The following GPR107 variants were observed in gnomAD, a reference collection of about 807,000 sequenced individuals.
The protein encoded by GPR107 is G protein-coupled receptor 107, also known as protein GPR107.
A neutral mutation model predicts 75.5 loss-of-function variants in GPR107; 31 were observed. The observed-to-expected ratio is 0.41, with a 90% CI of 0.31 to 0.55. GPR107 has a LOEUF of 0.55. Ranked by LOEUF, GPR107 falls within the 20% of genes least tolerant of loss-of-function variation. GPR107 has a pLI of 0.26. For synonymous variants in GPR107, 267 were observed against 251.3 expected, an observed-to-expected ratio of 1.06 and a Z score of -0.59; for missense variants, 572 against 665.7, an observed-to-expected ratio of 0.86 and a Z score of 1.55.
chr9:130,088,488 A>C (rs1299400326), intron 7 of GPR107, among the ~76,000 whole-genome samples: 4 of 152,170 alleles, frequency 2.6e-5, no homozygotes, highest in Non-Finnish European at 5.9e-5. Flanking sequence ...CCCCCTCTAC[A>C]GAAGATACCT....
At chr9:130,081,213 A>G (rs888222142) in intron 5 of GPR107, among the ~76,000 whole-genome samples, 5 of 152,020 alleles carry the variant, frequency 3.3e-5, no homozygotes, top group African/African-American at 1.2e-4. Context: ...TCCGAAATAA[A>G]TACATACATA....
In GPR107 at chr9:130,103,382, G is replaced by A. The variant is rs1831083668; in HGVS notation, c.1132-1038G>A. ...AGTCAGGCAGAGATTTGGGACCAGG[G>A]ACTTCTCATGGGGTATATAGGTGGA... On this transcript the variant is annotated intron_variant, in intron 12 of 17. Transcript: ENST00000347136. The surrounding 1 kb of genome is among the most constrained non-coding windows in gnomAD (Gnocchi z 4.3). Among the ~76,000 whole-genome samples, 1 of 152,166 alleles carries A rather than the reference G, an allele frequency of 6.6e-6. No homozygotes were observed. The highest frequency in any genetic ancestry group is 1.5e-5 in the Non-Finnish European group (1 of 68,046).
chr9:130,117,385 G>A (rs954296817), intron 14 of GPR107, among the ~76,000 whole-genome samples: 8 of 152,256 alleles, frequency 5.3e-5, no homozygotes, highest in African/African-American at 1.9e-4. Context: ...GGGATTAGTG[G>A]GATCTTTTCT....
chr9:130,108,567 G>C (rs1283941987), intron 14 of GPR107, among the ~76,000 whole-genome samples: 2 of 152,178 alleles, frequency 1.3e-5, no homozygotes, highest in Non-Finnish European at 2.9e-5. Flanking sequence ...AGATAGTATG[G>C]CATTCCTGCT....
chr9:130,086,884 C>T (rs542084276), intron 7 of GPR107, among the ~76,000 whole-genome samples: 3 of 152,254 alleles, frequency 2.0e-5, no homozygotes, highest in African/African-American at 7.2e-5. Context: ...TTCACCTAGA[C>T]TCAGAGGCTT....
chr9:130,090,434 T>A (rs1215559145), intron 7 of GPR107, among the ~76,000 whole-genome samples: 1 of 152,148 alleles, frequency 6.6e-6, no homozygotes, highest in African/African-American at 2.4e-5. Context: ...AGCAAAATAA[T>A]ACGTTAGCTT....
intron 14 of GPR107, among the ~76,000 whole-genome samples, chr9:130,119,007 C>A (rs1831490204): frequency 6.6e-6 from 1 of 152,232 alleles, no homozygotes; most frequent in South Asian, 2.1e-4. Flanking sequence ...CAGAAATAGC[C>A]CGCCCAGCCT....
At chr9:130,086,648 C>A (rs548982332) in intron 7 of GPR107, among the ~76,000 whole-genome samples, 172 bp downstream of exon 7, 1 of 152,192 alleles carries the variant, frequency 6.6e-6, no homozygotes, top group African/African-American at 2.4e-5. Context: ...GATATTGTTA[C>A]CCATCTACTT....
intron 1 of GPR107, among the ~76,000 whole-genome samples, chr9:130,070,216 G>A (rs1830172856): frequency 1.3e-5 from 2 of 149,342 alleles, no homozygotes; most frequent in Admixed American, 6.7e-5. Context: ...TGCCCAGGCC[G>A]GCCTTAAAAT....
At chr9:130,064,239 G>A (rs1375459391) in intron 1 of GPR107, among the ~76,000 whole-genome samples, 3 of 128,670 alleles carry the variant, frequency 2.3e-5, no homozygotes, top group South Asian at 2.5e-4. Context: ...CGCCCAGGCC[G>A]GACTGCGGAC....
intron 1 of GPR107, 123 bp downstream of exon 1, chr9:130,054,196 C>T: frequency 1.0e-6 from 1 of 961,076 alleles, no homozygotes; most frequent in South Asian, 1.7e-5. Context: ...TGGCTGCGGC[C>T]TTTCACTGAC....
chr9:130,132,229 C>A (rs1350266262), intron 17 of GPR107, among the ~76,000 whole-genome samples: 1 of 152,172 alleles, frequency 6.6e-6, no homozygotes, highest in Non-Finnish European at 1.5e-5. Flanking sequence ...GCTCTAGAAT[C>A]ACCTGTAGAG....
intron 1 of GPR107, among the ~76,000 whole-genome samples, chr9:130,068,435 C>G (rs1830120423): frequency 3.6e-5 from 1 of 27,608 alleles, no homozygotes; most frequent in Admixed American, 5.1e-4. Context: ...AATTTAAAAA[C>G]AAAAGTAAAA....
chr9:130,083,627 C>T, intron 6 of GPR107, 25 bp downstream of exon 6: 1 of 1,458,606 alleles, frequency 6.9e-7, no homozygotes, highest in African/African-American at 1.5e-5. Flanking sequence ...CCCTTTTGTG[C>T]TCAGCTTTTC....
chr9:130,075,101 T>C (rs187234014), intron 1 of GPR107, among the ~76,000 whole-genome samples: 54 of 152,224 alleles, frequency 3.5e-4, no homozygotes, highest in Admixed American at 2.7e-3. Flanking sequence ...ACTGTTGATA[T>C]CTTTTGGATT....
chr9:130,111,912 C>T (rs556447104), intron 14 of GPR107, among the ~76,000 whole-genome samples: 1 of 152,174 alleles, frequency 6.6e-6, no homozygotes, highest in Admixed American at 6.5e-5. Flanking sequence ...CTGAGACTCA[C>T]AGCTGCACTG....
intron 15 of GPR107, among the ~76,000 whole-genome samples, chr9:130,125,338 T>A (rs1831648702): frequency 6.6e-6 from 1 of 151,038 alleles, no homozygotes; most frequent in South Asian, 2.1e-4. Flanking sequence ...CGCCTCGGCC[T>A]CCCAGAGTGC....
intron 7 of GPR107, among the ~76,000 whole-genome samples, chr9:130,088,353 C>A (rs946829490): frequency 6.6e-6 from 1 of 152,218 alleles, no homozygotes; most frequent in African/African-American, 2.4e-5. Context: ...TGAAATGTCA[C>A]CTTCTCAACA....
In GPR107 at chr9:130,086,529, AGG is replaced by A. The variant is rs1830620036; in HGVS notation, c.621+55_621+56del. 3.1e-5 allele frequency: 33 copies of A among 1,048,172 alleles called. 1 individual carries two copies. The South Asian group carries it at 4.2e-4, about 13-fold the overall frequency. The allele number at this position is 1,048,172 out of a possible 1,614,324, so 64.9% of individuals were successfully genotyped here. On this transcript the variant is annotated intron_variant, in intron 7 of 17. Transcript: ENST00000347136. ...CTAGAATTTCTCTCTACCATGTAAA[AGG>A]GTAATTTTTTTTTAGAGGAATTTTG...
Sources: allele counts gnomAD v4.1 joint callset (sites outside exome capture counted in the v4.1 genomes callset), GRCh38; gene constraint gnomAD v4.1.1; non-coding constraint Gnocchi (gnomAD v3.1); transcripts MANE v1.5; gene names NCBI Gene and HGNC (gene_info 2026-07-23, HGNC 2026-07-21).